The following DOCK9 variants were observed in gnomAD, a reference collection of about 807,000 sequenced individuals.
DOCK9 encodes the protein dedicator of cytokinesis 9, also known as dedicator of cytokinesis protein 9.
A neutral mutation model predicts 263.3 loss-of-function variants in DOCK9; 89 were observed. The observed-to-expected ratio is 0.34, with a 90% confidence interval of 0.28 to 0.40. The LOEUF (loss-of-function observed/expected upper bound fraction) is 0.40. DOCK9 is among the 10% of genes least tolerant of loss of function. The probability of loss-of-function intolerance (pLI) is 1.00; values close to 1 mark genes in which losing one functional copy is unlikely to be tolerated. For missense variants in DOCK9, 2,140 were observed against 2,603.4 expected, an observed-to-expected ratio of 0.82 and a Z score of 3.87; for synonymous variants, 976 against 973.1, an observed-to-expected ratio of 1.00 and a Z score of -0.06.
intron 1 of DOCK9, among the ~76,000 whole-genome samples, chr13:99,009,227 A>G (rs1884038000): frequency 6.6e-6 from 1 of 152,244 alleles, no homozygotes. Context: ...ACTCAAAAGC[A>G]GCCACAATAG....
intron 1 of DOCK9, among the ~76,000 whole-genome samples, chr13:98,991,203 C>G (rs1879721357): frequency 6.6e-6 from 1 of 152,068 alleles, no homozygotes; most frequent in African/African-American, 2.4e-5. Flanking sequence ...TCCCCAGTAG[C>G]TAAGACTATA....
chr13:98,830,137 G>A (rs1398111015), intron 41 of DOCK9, among the ~76,000 whole-genome samples: 1 of 152,192 alleles, frequency 6.6e-6, no homozygotes, highest in Non-Finnish European at 1.5e-5. Flanking sequence ...AATATGCTAT[G>A]GGTAGACTGT....
At chr13:98,820,541 C>T in intron 45 of DOCK9, 1 of 243,742 alleles carries the variant, frequency 4.1e-6, no homozygotes, top group Non-Finnish European at 8.1e-6. Context: ...AGTACAGCTA[C>T]TCCATAGACA....
At chr13:98,950,759 G>C (rs2057316272) in intron 2 of DOCK9, among the ~76,000 whole-genome samples, 1 of 152,150 alleles carries the variant, frequency 6.6e-6, no homozygotes, top group Non-Finnish European at 1.5e-5. Context: ...ACTTTACATA[G>C]TCGCACAAGC....
intron 1 of DOCK9, among the ~76,000 whole-genome samples, chr13:98,985,768 G>C (rs1399923017): frequency 6.6e-6 from 1 of 151,884 alleles, no homozygotes; most frequent in African/African-American, 2.4e-5. Context: ...CGCGTGATCT[G>C]TAACTGTTTT....
At position 98,829,798 on chromosome 13, in the gene DOCK9, A is replaced by G; in HGVS notation, c.4636-42T>C. ...CATGAGCAAATCAATTTACCTTCAA[A>G]TGACTGCCCAGGCTGGGCTTCTGCG... is the stretch of plus-strand genomic sequence containing the variant. On this transcript the variant is annotated intron_variant, in intron 41 of 52. Coordinates refer to ENST00000682017, the MANE Select transcript of DOCK9 (RefSeq NM_001366683.2). The surrounding 1 kb of genome is among the most constrained non-coding windows in gnomAD (Gnocchi z 4.1). 6.6e-7 allele frequency: 1 copy of G among 1,515,490 alleles called. No individual in the cohort carries two copies. The highest frequency in any genetic ancestry group is 9.0e-7 in the Non-Finnish European group (1 of 1,110,690). The allele number at this position is 1,515,490 out of a possible 1,614,324, so 93.9% of individuals were successfully genotyped here. A position where few individuals can be genotyped will look rare whatever the true frequency, so the allele number is the denominator to read the frequency against.
At chr13:98,946,054 A>G (rs2056660415) in intron 2 of DOCK9, among the ~76,000 whole-genome samples, 1 of 150,978 alleles carries the variant, frequency 6.6e-6, no homozygotes, top group Non-Finnish European at 1.5e-5. Context: ...ACAGGAGCCC[A>G]AAGAGGCCAG....
chr13:98,883,889 G>A lies in DOCK9; in HGVS notation c.2393C>T (p.Pro798Leu), dbSNP rs745564334. The change falls in exon 22 of 53, where the codon CCG (proline) becomes CTG (leucine). Residue 798 changes from proline (P) to leucine (L), a missense_variant. Physicochemically the swap from Pro to Leu is moderately conservative, Grantham distance 98 (BLOSUM62 -3). This residue lies in a region of DOCK9 where 1,521 missense variants were observed against 1,741.7 expected (regional missense o/e 0.87). Transcript: ENST00000682017. ...GCCTCCATCTACCCATTTAATTTCC[G>A]GACCATAATGCTAAAAAAAATATGG... is the stretch of plus-strand genomic sequence containing the variant. Reference protein sequence around the residue: ...QELGMGRHYGPEIKWVDGGKP... With the variant: ...QELGMGRHYGLEIKWVDGGKP... 87 of 1,608,448 alleles carry A rather than the reference G, an allele frequency of 5.4e-5. No individual in the cohort carries two copies. In the South Asian group the frequency reaches 6.7e-4, roughly 12 times the overall value.
chr13:98,923,397 T>G, intron 4 of DOCK9, 26 bp from the exon 5 acceptor site: 1 of 1,594,530 alleles, frequency 6.3e-7, no homozygotes. Flanking sequence ...AGAAAATTTG[T>G]TTTAGAAATG....
Position 98,888,719 on chromosome 13 carries a change from CA to C in DOCK9, c.1710-9del. On this transcript the variant is annotated splice_polypyrimidine_tract_variant and intron_variant, in intron 15 of 52. Transcript: ENST00000682017. ...TTAGCCATCTTCTCAGGTCTGCAAA[CA>C]AAAGAAGAGAAAAATTAAACATTCG... is the stretch of plus-strand genomic sequence containing the variant. 6.2e-7 allele frequency: 1 copy of C among 1,609,844 alleles called. No individual in the cohort carries two copies. Among genetic ancestry groups the C allele is most frequent in the South Asian group, 1.1e-5 (1 of 90,448 alleles).
At chr13:98,834,951 T>C (rs953923062) in intron 39 of DOCK9, among the ~76,000 whole-genome samples, 2 of 152,156 alleles carry the variant, frequency 1.3e-5, no homozygotes, top group African/African-American at 4.8e-5. Flanking sequence ...GACAGGTCAG[T>C]TGTGTAGTGA....
rs144090459 is a variant in DOCK9, at chr13:99,031,292, G to A, written c.129+54931C>T. The stretch of plus-strand genomic sequence containing the variant: ...CCAGGAACTAATTAAGCCATGAGAC[G>A]TGGGTCACCTGAACACTCTTCCATT... On this transcript the variant is annotated intron_variant, in intron 1 of 32. Coordinates refer to the DOCK9 transcript ENST00000427887. 2.6e-5 allele frequency among the ~76,000 whole-genome samples: 4 copies of A among 152,236 alleles called. No homozygotes were observed. In the East Asian group the frequency reaches 5.8e-4, roughly 22 times the overall value.
intron 2 of DOCK9, among the ~76,000 whole-genome samples, chr13:98,938,032 T>G (rs536453094): frequency 1.3e-5 from 2 of 152,228 alleles, no homozygotes; most frequent in South Asian, 4.1e-4. Flanking sequence ...ATTTCCTGCT[T>G]CTATCATCAC....
At chr13:98,982,670 G>A (rs1455416532), upstream of DOCK9, among the ~76,000 whole-genome samples, 1 of 152,168 alleles carries the variant, frequency 6.6e-6, no homozygotes, top group African/African-American at 2.4e-5. Flanking sequence ...TGGCCCTAAA[G>A]TGAAATGGTG....
At chr13:98,978,072 G>A (rs991205134), upstream of DOCK9, 91 of 1,420,408 alleles carry the variant, frequency 6.4e-5, no homozygotes, top group African/African-American at 1.3e-3. Flanking sequence ...CCTGTGGGGT[G>A]GGAAGGCATG....
rs376655028 is a variant in DOCK9, at chr13:99,059,321, G to A, written c.129+26902C>T. The stretch of plus-strand genomic sequence containing the variant: ...ATCTCCACGGGTCCAGCTGTGGCAT[G>A]CCGAGGTCATCTTTCTTCCCTCACC... On this transcript the variant is annotated intron_variant, in intron 1 of 32. Coordinates refer to the DOCK9 transcript ENST00000427887. Among the ~76,000 whole-genome samples, 248 of 152,236 alleles carry A rather than the reference G, an allele frequency of 1.6e-3. 9 individuals carry two copies. The South Asian group carries it at 0.048, about 29-fold the overall frequency.
At chr13:99,045,477 T>G (rs1226153537) in intron 1 of DOCK9, among the ~76,000 whole-genome samples, 1 of 151,530 alleles carries the variant, frequency 6.6e-6, no homozygotes, top group African/African-American at 2.4e-5. Flanking sequence ...AAGTAGAGAG[T>G]AGAATGGTGG....
At position 98,888,534 on chromosome 13, in the gene DOCK9, T is replaced by A. The variant is rs1328035949; in HGVS notation, c.1803A>T (p.Ser601=). 10 of 1,613,908 alleles carry A rather than the reference T, an allele frequency of 6.2e-6. No individual in the cohort carries two copies. The highest frequency in any genetic ancestry group is 8.5e-6 in the Non-Finnish European group (10 of 1,179,832). The part of the protein sequence containing the change: ...VSSDFPNYVN[S]SYIPTKQFET... The stretch of plus-strand genomic sequence containing the variant: ...CAAATTGTTTTGTGGGAATGTATGA[T>A]GAATTAACATAATCTGCAAAGATAT... Residue 601 remains serine (S), a synonymous_variant, in exon 17 of 53, where the codon TCA becomes TCT. Coordinates refer to ENST00000682017, the MANE Select transcript of DOCK9 (RefSeq NM_001366683.2).
chr13:98,895,580 G>A (rs2047303554), intron 15 of DOCK9, among the ~76,000 whole-genome samples: 2 of 151,504 alleles, frequency 1.3e-5, no homozygotes, highest in Admixed American at 6.6e-5. Context: ...CAGGAGAATC[G>A]CTTGAACTCG....
Sources: allele counts gnomAD v4.1 joint callset (sites outside exome capture counted in the v4.1 genomes callset), GRCh38; gene constraint gnomAD v4.1.1; regional missense constraint gnomAD v4.1.1; non-coding constraint Gnocchi (gnomAD v3.1); transcripts MANE v1.5; gene names NCBI Gene and HGNC (gene_info 2026-07-23, HGNC 2026-07-21).